EPHB1: variants seen among roughly 807,000 people sequenced by gnomAD.
EPHB1 encodes the protein EPH receptor B1.
EPHB1 carries 30 observed loss-of-function variants against 94.4 expected under a neutral mutation model. The observed-to-expected ratio is 0.32, with a 90% CI of 0.24 to 0.43. EPHB1 has a LOEUF of 0.43. EPHB1 is among the 20% of genes least tolerant of loss of function. The pLI, the probability that EPHB1 is intolerant of heterozygous loss-of-function variation, is 1.00. For synonymous variants in EPHB1, 522 were observed against 489.1 expected, an observed-to-expected ratio of 1.07 and a Z score of -0.89; for missense variants, 1,055 against 1,308.3, an observed-to-expected ratio of 0.81 and a Z score of 2.99.
At chr3:134,927,285 A>C (rs1426470292) in intron 2 of EPHB1, among the ~76,000 whole-genome samples, 1 of 152,142 alleles carries the variant, frequency 6.6e-6, no homozygotes, top group East Asian at 1.9e-4. Context: ...CTGGTTTCTC[A>C]CTGTTACTTT....
rs149064660 is a variant in EPHB1, at chr3:135,014,870, T to C, written c.805+62818T>C. Among the ~76,000 whole-genome samples the C allele has an allele frequency of 1.1e-4, 17 of 152,350 alleles. 1 individual carries two copies. In the East Asian group the frequency reaches 3.3e-3, roughly 29 times the overall value. On this transcript the variant is annotated intron_variant, in intron 3 of 15. Coordinates refer to ENST00000398015, the MANE Select transcript of EPHB1 (RefSeq NM_004441.5). ...TCACCCTCTCTTTTATGAGTTGTTA[T>C]ACTTATTTCTTCCAGTTTTTGCTTT...
intron 12 of EPHB1, among the ~76,000 whole-genome samples, chr3:135,222,829 C>A (rs1480679255): frequency 6.6e-6 from 1 of 152,174 alleles, no homozygotes; most frequent in East Asian, 1.9e-4. Context: ...TGAACCAATA[C>A]ACTGGGTACA....
chr3:135,039,425 C>T (rs1002554679), intron 3 of EPHB1, among the ~76,000 whole-genome samples: 10 of 152,230 alleles, frequency 6.6e-5, no homozygotes, highest in South Asian at 2.1e-4. Context: ...ACCGTGCGCT[C>T]GCATTCCTCA....
chr3:134,807,525 G>GTGCA (rs66778044), intron 1 of EPHB1, among the ~76,000 whole-genome samples: 3 of 122,330 alleles, frequency 2.5e-5, no homozygotes, highest in Non-Finnish European at 1.8e-5. Flanking sequence ...GTGTGTGTGT[G>GTGCA]CACGTGTGTG....
At chr3:135,229,475 C>A (rs142680687) in intron 12 of EPHB1, among the ~76,000 whole-genome samples, 2 of 152,034 alleles carry the variant, frequency 1.3e-5, no homozygotes, top group East Asian at 3.9e-4. Flanking sequence ...AGAAGCATGG[C>A]CAGTGGACAC....
intron 15 of EPHB1, among the ~76,000 whole-genome samples, chr3:135,252,197 ATTTTTT>A (rs1026399106): frequency 2.0e-4 from 30 of 151,120 alleles, no homozygotes; most frequent in African/African-American, 7.3e-4. Context: ...TTTTATTTTT[ATTTTTT>A]AATATTTTTT....
At chr3:135,009,828 A>G (rs1272463883) in intron 3 of EPHB1, among the ~76,000 whole-genome samples, 1 of 152,246 alleles carries the variant, frequency 6.6e-6, no homozygotes, top group East Asian at 1.9e-4. Flanking sequence ...TGTTATGTAA[A>G]ATAAAAACGT....
At chr3:135,240,136 C>A (rs1943746538) in intron 12 of EPHB1, among the ~76,000 whole-genome samples, 1 of 152,156 alleles carries the variant, frequency 6.6e-6, no homozygotes. Flanking sequence ...TGTACCCACT[C>A]TCATCTTCAC....
intron 3 of EPHB1, among the ~76,000 whole-genome samples, chr3:134,953,591 G>A (rs879711213): frequency 6.6e-6 from 1 of 152,236 alleles, no homozygotes; most frequent in Non-Finnish European, 1.5e-5. Context: ...AGGCACAGGT[G>A]CAGCAGCTTC....
intron 1 of EPHB1, among the ~76,000 whole-genome samples, chr3:134,851,638 T>A (rs1319830635): frequency 1.3e-5 from 2 of 152,238 alleles, no homozygotes; most frequent in Non-Finnish European, 2.9e-5. Flanking sequence ...CTCACTTGCC[T>A]TGGGTGCCCT....
intron 5 of EPHB1, among the ~76,000 whole-genome samples, chr3:135,139,937 G>T (rs910423853): frequency 2.6e-5 from 4 of 152,188 alleles, no homozygotes; most frequent in African/African-American, 9.7e-5. Flanking sequence ...CTTCCAGGTT[G>T]TGAGCAGTGG....
chr3:134,956,091 G>A (rs1008246855), intron 3 of EPHB1, among the ~76,000 whole-genome samples: 3 of 152,126 alleles, frequency 2.0e-5, no homozygotes, highest in East Asian at 1.9e-4. Context: ...AGGGAGGAAG[G>A]GGAGGAGGCT....
At chr3:135,235,473 C>T (rs1428061020) in intron 12 of EPHB1, among the ~76,000 whole-genome samples, 1 of 152,100 alleles carries the variant, frequency 6.6e-6, no homozygotes, top group Non-Finnish European at 1.5e-5. Context: ...ATTTGAGAAC[C>T]ACTTCTCCAG....
intron 3 of EPHB1, among the ~76,000 whole-genome samples, chr3:134,955,071 CTTTTTTTTTT>C (rs1197013147): frequency 2.5e-3 from 21 of 8,418 alleles, no homozygotes; most frequent in East Asian, 4.0e-3. Context: ...GACATCCTTT[CTTTTTTTTTT>C]TTTTTTTTTT....
rs1450835645 is a variant in EPHB1, at chr3:135,165,847, CA to C, written c.1586-120del. ...GTTTTGGTTAGACTTACAACTCTGA[CA>C]CATAGAAACTATCCTCTACATATAT... On this transcript the variant is annotated intron_variant, in intron 7 of 15. Coordinates refer to ENST00000398015, the MANE Select transcript of EPHB1 (RefSeq NM_004441.5). 4.1e-5 allele frequency: 26 copies of C among 641,668 alleles called. 1 individual carries two copies. The East Asian group carries it at 6.9e-4, about 17-fold the overall frequency. The allele number at this position is 641,668 out of a possible 1,614,324, so 39.7% of individuals were successfully genotyped here.
chr3:135,245,698 CG>C (rs1234733756), intron 13 of EPHB1, among the ~76,000 whole-genome samples: 1 of 146,514 alleles, frequency 6.8e-6, no homozygotes, highest in Non-Finnish European at 1.5e-5. Flanking sequence ...CCCAGCTACT[CG>C]GGAGGCTGAG....
At chr3:135,087,659 T>C (rs1938406948) in intron 3 of EPHB1, among the ~76,000 whole-genome samples, 1 of 152,138 alleles carries the variant, frequency 6.6e-6, no homozygotes, top group African/African-American at 2.4e-5. Flanking sequence ...CCATGCACAA[T>C]AATATAATTA....
rs538028477 is a variant in EPHB1 at position 134,795,391 on chromosome 3, C to G, written c.-241C>G. On this transcript the variant is annotated 5_prime_UTR_variant, in exon 1 of 16. Transcript: ENST00000398015. ...TCTCTCTCACACACGCACGCACACACCCACCTCTCCCATAAACACACACAC... is the reference window on the plus strand; with the variant it reads ...TCTCTCTCACACACGCACGCACACAGCCACCTCTCCCATAAACACACACAC... 7.5e-6 allele frequency: 4 copies of G among 533,420 alleles called. No individual in the cohort carries two copies. In the South Asian group the frequency reaches 9.7e-5, roughly 13 times the overall value. 33.0% of individuals were successfully genotyped at this position (533,420 alleles called of 1,614,324 possible). A position where few individuals can be genotyped will look rare whatever the true frequency, so the allele number is the denominator to read the frequency against.
chr3:135,174,598 G>A (rs183473486), intron 9 of EPHB1, among the ~76,000 whole-genome samples: 147 of 152,286 alleles, frequency 9.7e-4, no homozygotes, highest in African/African-American at 3.5e-3. Flanking sequence ...AGAAACTTGT[G>A]AACTTTGTTT....
Sources: gnomAD v4.1 joint callset for allele counts (sites outside exome capture counted in the v4.1 genomes callset) on GRCh38, gnomAD v4.1.1 for gene constraint, MANE v1.5 for transcripts, NCBI Gene and HGNC (gene_info 2026-07-23, HGNC 2026-07-21) for gene names.